FCMR: variants seen among roughly 807,000 people sequenced by gnomAD.
FCMR encodes immunoglobulin mu Fc receptor.
Under a neutral mutation model 41.6 loss-of-function variants are expected in FCMR, and 34 were observed. That is an observed-to-expected ratio of 0.82 (90% CI 0.62 to 1.09). FCMR has a LOEUF of 1.09. Among genes scored for constraint, FCMR ranks in the 50% least tolerant of loss-of-function variants. The probability of loss-of-function intolerance (pLI) is 0.00; values close to 1 mark genes in which losing one functional copy is unlikely to be tolerated. For missense variants in FCMR, 496 were observed against 512.5 expected, an observed-to-expected ratio of 0.97 and a Z score of 0.31; for synonymous variants, 209 against 211.8, an observed-to-expected ratio of 0.99 and a Z score of 0.12.
intron 4 of FCMR, 54 bp from the exon 5 acceptor site, chr1:206,910,394 G>T: frequency 7.1e-7 from 1 of 1,405,256 alleles, no homozygotes; most frequent in Non-Finnish European, 9.4e-7. Flanking sequence ...AAGGAGGTAG[G>T]TTGAGGGCTT....
Position 206,904,963 on chromosome 1 carries a change from TGA to T in FCMR, c.*54_*55del, listed in dbSNP as rs1416292423. The T allele has an allele frequency of 3.8e-6, 6 of 1,595,358 alleles. No individual in the cohort carries two copies. The highest frequency in any genetic ancestry group is 2.7e-5 in the African/African-American group (2 of 74,474). On this transcript the variant is annotated 3_prime_UTR_variant, in exon 8 of 8. Transcript: ENST00000367091. ...CAGGTATTGGACATCAGCAGATAGATGAGACTCCTTGGCACCACAGTCCGAGC... is the reference window on the plus strand; with the variant it reads ...CAGGTATTGGACATCAGCAGATAGATGACTCCTTGGCACCACAGTCCGAGC...
chr1:206,916,483 AG>A (rs1470850680), intron 1 of FCMR, among the ~76,000 whole-genome samples: 1 of 152,184 alleles, frequency 6.6e-6, no homozygotes, highest in Admixed American at 6.5e-5. Context: ...CAGGCCTCCC[AG>A]GGTTGAGCTT....
intron 1 of FCMR, among the ~76,000 whole-genome samples, chr1:206,916,794 C>T (rs1208672012): frequency 6.6e-6 from 1 of 152,208 alleles, no homozygotes; most frequent in Non-Finnish European, 1.5e-5. Flanking sequence ...AGATTGGCTA[C>T]GATGCAGATG....
At chr1:206,914,717 G>T (rs1402044336) in intron 1 of FCMR, among the ~76,000 whole-genome samples, 3 of 151,890 alleles carry the variant, frequency 2.0e-5, no homozygotes, top group Admixed American at 1.3e-4. Flanking sequence ...GAGCCACCAC[G>T]CCCAACCCTT....
intron 1 of FCMR, among the ~76,000 whole-genome samples, chr1:206,920,452 C>T (rs1334512077): frequency 1.2e-5 from 1 of 83,600 alleles, no homozygotes. Context: ...GAGACTCTGT[C>T]TCAAAAAAAA....
chr1:206,910,678 C>T (rs1000615249), intron 4 of FCMR, among the ~76,000 whole-genome samples: 3 of 152,056 alleles, frequency 2.0e-5, no homozygotes, highest in Non-Finnish European at 2.9e-5. Flanking sequence ...ATGCACCTTC[C>T]GGTGTTCAGC....
rs1414261006 is a variant in FCMR at position 206,911,871 on chromosome 1, A to G, written c.569T>C (p.Val190Ala). 2 of 1,607,772 alleles carry G rather than the reference A, an allele frequency of 1.2e-6. No individual in the cohort carries two copies. The highest frequency in any genetic ancestry group is 1.7e-5 in the Admixed American group (1 of 58,056). Reference sequence around the variant, plus strand: ...ACCTGCTACTGAAGATGCTCTGGACACTCGAGGGCGGTGGGTGATTTGGGT... The same window carrying G: ...ACCTGCTACTGAAGATGCTCTGGACGCTCGAGGGCGGTGGGTGATTTGGGT... ...PTTQITHRPR[V>A]SRASSVAGDK... The change falls in exon 4 of 8, where the codon GTG (valine) becomes GCG (alanine). Residue 190 changes from valine (V) to alanine (A), a missense_variant. Physicochemically the swap from Val to Ala is moderately conservative, Grantham distance 64. Transcript: ENST00000367091.
In FCMR at chr1:206,912,909, C is replaced by A; in HGVS notation, c.487+20G>T. The A allele has an allele frequency of 2.0e-6, 3 of 1,516,936 alleles. No individual in the cohort carries two copies. The highest frequency in any genetic ancestry group is 2.7e-6 in the Non-Finnish European group (3 of 1,091,736). The allele number at this position is 1,516,936 out of a possible 1,614,324, so 94.0% of individuals were successfully genotyped here. A position where few individuals can be genotyped will look rare whatever the true frequency, so the allele number is the denominator to read the frequency against. ...ACAGCATCTCACCCACCTCTCCTAC[C>A]CTTGCTATGGTGAACTGACCTCTGG... On this transcript the variant is annotated intron_variant, in intron 3 of 7. Coordinates refer to ENST00000367091, the MANE Select transcript of FCMR (RefSeq NM_005449.5).
intron 2 of FCMR, 66 bp downstream of exon 2, chr1:206,913,693 G>C (rs563183779): frequency 2.3e-6 from 3 of 1,306,268 alleles, no homozygotes; most frequent in Admixed American, 3.4e-5. Context: ...TTAGATGGCT[G>C]TTCCAATCTT....
intron 1 of FCMR, chr1:206,917,906 C>T (rs1204855122): frequency 4.7e-6 from 2 of 421,526 alleles, no homozygotes. Flanking sequence ...GCATGAGTCT[C>T]CATGCCTGGC....
intron 7 of FCMR, chr1:206,907,941 C>A: frequency 7.6e-7 from 1 of 1,321,928 alleles, no homozygotes. Flanking sequence ...TTGACGGCAT[C>A]CTACTGCCCT....
intron 5 of FCMR, 81 bp downstream of exon 5, chr1:206,910,129 C>T (rs1558647858): frequency 1.4e-6 from 2 of 1,408,032 alleles, no homozygotes; most frequent in Non-Finnish European, 1.9e-6. Flanking sequence ...CCGAGTTTCC[C>T]ATGGAAGTTC....
Position 206,910,018 on chromosome 1 carries a change from G to A in FCMR, c.842-150C>T, listed in dbSNP as rs975033028. 23 of 1,156,352 alleles carry A rather than the reference G, an allele frequency of 2.0e-5. No homozygotes were observed. The Admixed American group carries it at 6.2e-4, about 31-fold the overall frequency. The allele number at this position is 1,156,352 out of a possible 1,614,324, so 71.6% of individuals were successfully genotyped here. A position where few individuals can be genotyped will look rare whatever the true frequency, so the allele number is the denominator to read the frequency against. On this transcript the variant is annotated intron_variant, in intron 5 of 7. Transcript: ENST00000367091. Reference sequence around the variant, plus strand: ...TGGGGAATGTACGAGGCACGGCCTTGCCCTGCCCTGAAGACCAAAGGGCCC... The same window carrying A: ...TGGGGAATGTACGAGGCACGGCCTTACCCTGCCCTGAAGACCAAAGGGCCC...
Position 206,913,814 on chromosome 1 carries a change from C to T in FCMR, c.318G>A (p.Ala106=), listed in dbSNP as rs373951034. Residue 106 remains alanine, a synonymous_variant, in exon 2 of 8, where the codon GCG becomes GCA. Coordinates refer to ENST00000367091, the MANE Select transcript of FCMR (RefSeq NM_005449.5). The part of the protein sequence containing the change: ...ESDSGVYACG[A]GMNTDRGKTQ... ...TCTTTCCCCGGTCTGTGTTCATGCC[C>T]GCTCCGCAGGCATAGACTCCGCTGT... 47 of 1,614,030 alleles carry T rather than the reference C, an allele frequency of 2.9e-5. No individual in the cohort carries two copies. The highest frequency in any genetic ancestry group is 3.7e-5 in the Non-Finnish European group (44 of 1,180,018).
In FCMR at chr1:206,904,733, CCA is replaced by C. The variant is rs1678544566; in HGVS notation, c.*284_*285del. On this transcript the variant is annotated 3_prime_UTR_variant, in exon 8 of 8. Coordinates refer to ENST00000367091, the MANE Select transcript of FCMR (RefSeq NM_005449.5). ...ACATGGAAGAAACACTCTGCAAATC[CCA>C]CAGTCTGTTCGACGGCTTGGAAAGG... 1 of 389,008 alleles carries C rather than the reference CCA, an allele frequency of 2.6e-6. No homozygotes were observed. The highest frequency in any genetic ancestry group is 2.1e-5 in the African/African-American group (1 of 48,712). The allele number at this position is 389,008 out of a possible 1,614,324, so 24.1% of individuals were successfully genotyped here.
Position 206,909,320 on chromosome 1 carries a change from G to T in FCMR, c.1044+142C>A. On this transcript the variant is annotated intron_variant, in intron 7 of 7. Transcript: ENST00000367091. The surrounding 1 kb of genome is among the most constrained non-coding windows in gnomAD (Gnocchi z 5.0). ...GGAAACTAAAACAACTTGTTCCTCG[G>T]CTCAGGGCCCAGGAGCTGCTGGGAA... 2.3e-6 allele frequency: 1 copy of T among 426,718 alleles called. No individual in the cohort carries two copies. The highest frequency in any genetic ancestry group is 4.0e-6 in the Non-Finnish European group (1 of 252,306). The allele number at this position is 426,718 out of a possible 1,614,324, so 26.4% of individuals were successfully genotyped here.
chr1:206,910,479 C>G, intron 4 of FCMR, 139 bp from the exon 5 acceptor site: 5 of 587,990 alleles, frequency 8.5e-6, no homozygotes, highest in Non-Finnish European at 1.3e-5. Context: ...CTCCACTCCC[C>G]CCTCAAAAAG....
At chr1:206,916,346 A>G (rs1195401946) in intron 1 of FCMR, among the ~76,000 whole-genome samples, 1 of 152,222 alleles carries the variant, frequency 6.6e-6, no homozygotes, top group African/African-American at 2.4e-5. Context: ...GGAAGTATTC[A>G]AATGAGACTA....
chr1:206,911,651 T>C, intron 4 of FCMR, 79 bp downstream of exon 4: 2 of 1,344,128 alleles, frequency 1.5e-6, no homozygotes, highest in Non-Finnish European at 2.1e-6. Flanking sequence ...GGAGGGTGTC[T>C]AATAATGGAC....
Sources: gnomAD v4.1 joint callset for allele counts (sites outside exome capture counted in the v4.1 genomes callset) on GRCh38, gnomAD v4.1.1 for gene constraint, Gnocchi (gnomAD v3.1) non-coding constraint, MANE v1.5 for transcripts, NCBI Gene and HGNC (gene_info 2026-07-23, HGNC 2026-07-21) for gene names.